Variants in ITGA4 observed in about 807,000 individuals in gnomAD.
ITGA4 encodes the protein integrin alpha-4.
Under a neutral mutation model 133.6 loss-of-function variants are expected in ITGA4, and 63 were observed. The observed-to-expected ratio is 0.47, with a 90% CI of 0.38 to 0.58. The LOEUF (loss-of-function observed/expected upper bound fraction) is 0.58, where lower values mean the gene tolerates loss of function less well. ITGA4 is among the 20% of genes least tolerant of loss of function. The probability of loss-of-function intolerance (pLI) is 0.00; values close to 1 mark genes in which losing one functional copy is unlikely to be tolerated. For missense variants in ITGA4, 1,076 were observed against 1,252.7 expected, an observed-to-expected ratio of 0.86 and a Z score of 2.13; for synonymous variants, 483 against 438.0, an observed-to-expected ratio of 1.10 and a Z score of -1.28.
chr2:181,473,304 G>A (rs754936620), intron 2 of ITGA4, among the ~76,000 whole-genome samples: 5 of 152,180 alleles, frequency 3.3e-5, no homozygotes, highest in Admixed American at 6.5e-5. Flanking sequence ...ACCCTATTAC[G>A]AACTGCACAG....
rs2105778819 is a variant in ITGA4 at position 181,536,747 on chromosome 2, T to TTAAAAAATTTCTTTAAATACAATCA, written c.*1222_*1246dup. On this transcript the variant is annotated 3_prime_UTR_variant, in exon 28 of 28. Transcript: ENST00000397033. ...TCTATTTTAAATGACTTTCTGGATT[T>TTAAAAAATTTCTTTAAATACAATCA]TAAAAAATTTCTTTAAATACAATCA... 4.0e-6 allele frequency: 1 copy of TTAAAAAATTTCTTTAAATACAATCA among 248,546 alleles called. No homozygotes were observed. The highest frequency in any genetic ancestry group is 1.0e-4 in the East Asian group (1 of 9,712). The allele number at this position is 248,546 out of a possible 1,614,324, so 15.4% of individuals were successfully genotyped here. A position where few individuals can be genotyped will look rare whatever the true frequency, so the allele number is the denominator to read the frequency against.
intron 2 of ITGA4, among the ~76,000 whole-genome samples, chr2:181,465,644 TC>T (rs1685394072): frequency 6.6e-6 from 1 of 152,190 alleles, no homozygotes; most frequent in Non-Finnish European, 1.5e-5. Flanking sequence ...GAATTTTCTT[TC>T]CTTATTTTCT....
chr2:181,492,288 T>C (rs550421270), intron 10 of ITGA4, among the ~76,000 whole-genome samples: 36 of 152,370 alleles, frequency 2.4e-4, no homozygotes, highest in African/African-American at 8.2e-4. Context: ...CATTTCTTTT[T>C]AACTGAAAAT....
At chr2:181,510,764 A>G (rs1686490879) in intron 16 of ITGA4, among the ~76,000 whole-genome samples, 1 of 152,042 alleles carries the variant, frequency 6.6e-6, no homozygotes. Context: ...TCTTCTTTTG[A>G]ACTTCAGTTG....
rs539464631 is a variant in ITGA4 at position 181,538,247 on chromosome 2, G to A, written c.*2720G>A. The A allele has an allele frequency of 2.6e-6, 4 of 1,560,674 alleles. No homozygotes were observed. Among genetic ancestry groups the A allele is most frequent in the East Asian group, 2.2e-5 (1 of 44,576 alleles). ...GACTGATAAGTCTTGGATGCAATCT[G>A]TAAAGAAAATACATTATTTCATCAA... On this transcript the variant is annotated 3_prime_UTR_variant, in exon 28 of 28. Coordinates refer to ENST00000397033, the MANE Select transcript of ITGA4 (RefSeq NM_000885.6).
intron 15 of ITGA4, among the ~76,000 whole-genome samples, chr2:181,500,454 A>G (rs1686244178): frequency 6.6e-6 from 1 of 152,158 alleles, no homozygotes; most frequent in South Asian, 2.1e-4. Flanking sequence ...AAGTTTCTAC[A>G]GTCTGAAAGC....
Position 181,468,333 on chromosome 2 carries a change from TC to T in ITGA4, c.320-6625del, listed in dbSNP as rs1190957930. Among the ~76,000 whole-genome samples the T allele has an allele frequency of 5.9e-5, 9 of 152,308 alleles. No individual in the cohort carries two copies. In the East Asian group the frequency reaches 1.7e-3, roughly 29 times the overall value. On this transcript the variant is annotated intron_variant, in intron 2 of 27. Transcript: ENST00000397033. The stretch of plus-strand genomic sequence containing the variant: ...AATCATAGTAAAGAGAAAAGACCTC[TC>T]CAAAGCTTAGATCTCTGAGAGTTTG...
In ITGA4 at chr2:181,516,651, T is replaced by G. The variant is rs4666786; in HGVS notation, c.1922+4876T>G. ...TGGAGTCGTCATGATCACAGTAAAT[T>G]GATCCTGAATCAATTATTTTGTTAT... On this transcript the variant is annotated intron_variant, in intron 17 of 27. Transcript: ENST00000397033. The surrounding 1 kb of genome is among the most constrained non-coding windows in gnomAD (Gnocchi z 4.0). 0.98 allele frequency among the ~76,000 whole-genome samples: 148,747 copies of G among 152,116 alleles called. 72,827 individuals carry two copies. The highest frequency in any genetic ancestry group is 1 in the Middle Eastern group (294 of 294).
chr2:181,504,358 A>G (rs962997277), intron 15 of ITGA4, among the ~76,000 whole-genome samples: 1 of 151,986 alleles, frequency 6.6e-6, no homozygotes, highest in East Asian at 1.9e-4. Context: ...GACTTCTAAA[A>G]CTCATCTTTT....
chr2:181,480,592 T>C (rs1225946548), intron 6 of ITGA4, among the ~76,000 whole-genome samples: 2 of 152,126 alleles, frequency 1.3e-5, no homozygotes, highest in Non-Finnish European at 2.9e-5. Context: ...GTTGTTTCTG[T>C]TGAGTGCCTC....
At chr2:181,489,173 AT>A (rs1374744524) in intron 10 of ITGA4, among the ~76,000 whole-genome samples, 1 of 152,210 alleles carries the variant, frequency 6.6e-6, no homozygotes, top group African/African-American at 2.4e-5. Flanking sequence ...TTGGATGCAA[AT>A]CACACTTAAT....
Position 181,535,403 on chromosome 2 carries a change from C to T in ITGA4, c.3004-29C>T, listed in dbSNP as rs146559560. The T allele has an allele frequency of 7.1e-5, 109 of 1,531,258 alleles. No homozygotes were observed. In the Admixed American group the frequency reaches 1.9e-3, roughly 26 times the overall value. The allele number at this position is 1,531,258 out of a possible 1,614,324, so 94.9% of individuals were successfully genotyped here. A position where few individuals can be genotyped will look rare whatever the true frequency, so the allele number is the denominator to read the frequency against. ...AGATAAGAGAGTGTTCATAACTATA[C>T]ACTAGTGATTATGTTATGCTATTTT... is the stretch of plus-strand genomic sequence containing the variant. On this transcript the variant is annotated intron_variant, in intron 27 of 27. Coordinates refer to ENST00000397033, the MANE Select transcript of ITGA4 (RefSeq NM_000885.6).
intron 19 of ITGA4, 62 bp from the exon 20 acceptor site, chr2:181,524,109 C>A: frequency 9.2e-7 from 1 of 1,089,822 alleles, no homozygotes; most frequent in South Asian, 1.4e-5. Context: ...GAAAAAAATT[C>A]AGATTATAAA....
chr2:181,537,878 G>GAGCAATGGAGCATTACT lies in ITGA4; in HGVS notation c.*2352_*2368dup, dbSNP rs1450540469. The GAGCAATGGAGCATTACT allele has an allele frequency of 1.9e-6, 1 of 539,186 alleles. No homozygotes were observed. The highest frequency in any genetic ancestry group is 3.5e-6 in the Non-Finnish European group (1 of 282,158). The allele number at this position is 539,186 out of a possible 1,614,324, so 33.4% of individuals were successfully genotyped here. On this transcript the variant is annotated 3_prime_UTR_variant, in exon 28 of 28. Coordinates refer to ENST00000397033, the MANE Select transcript of ITGA4 (RefSeq NM_000885.6). ...CGTTTGGCCACACAGCAGGAGGTTA[G>GAGCAATGGAGCATTACT]AGCAATGGAGCATTACTGAGTTCCT... is the stretch of plus-strand genomic sequence containing the variant.
Position 181,495,427 on chromosome 2 carries a change from T to TA in ITGA4, c.1385+12dup. Reference sequence around the variant, plus strand: ...TGCTGTCTTGCTAAGGTAAGACTGATATATTTCACTGCTTAATTGCAATTT... The same window carrying TA: ...TGCTGTCTTGCTAAGGTAAGACTGATAATATTTCACTGCTTAATTGCAATTT... On this transcript the variant is annotated intron_variant, in intron 13 of 27. Transcript: ENST00000397033. This position sits in a 1 kb window ranked among gnomAD's most constrained non-coding sequence, Gnocchi z 4.3. 1 of 1,590,458 alleles carries TA rather than the reference T, an allele frequency of 6.3e-7. No individual in the cohort carries two copies. Among genetic ancestry groups the TA allele is most frequent in the Non-Finnish European group, 8.6e-7 (1 of 1,158,764 alleles).
In ITGA4 at chr2:181,532,160, G is replaced by T. The variant is rs190953289; in HGVS notation, c.2784+384G>T. Among the ~76,000 whole-genome samples, 8 of 152,286 alleles carry T rather than the reference G, an allele frequency of 5.3e-5. No individual in the cohort carries two copies. The East Asian group carries it at 1.5e-3, about 29-fold the overall frequency. ...TTGGCCTCTGTATCTGTTTTGGTTA[G>T]CCTTGTAGTACAGTTTGAAGTCGGG... On this transcript the variant is annotated intron_variant, in intron 25 of 27. Transcript: ENST00000397033.
At chr2:181,518,521 G>T (rs992279911) in intron 17 of ITGA4, among the ~76,000 whole-genome samples, 2 of 152,030 alleles carry the variant, frequency 1.3e-5, no homozygotes, top group Non-Finnish European at 2.9e-5. Context: ...ATGGTAATAT[G>T]TTATATGTTT....
intron 15 of ITGA4, among the ~76,000 whole-genome samples, chr2:181,508,066 T>A (rs17304246): frequency 0.25 from 38,049 of 151,934 alleles, 5,249 homozygotes; most frequent in Non-Finnish European, 0.31. Context: ...AAGAAAATCA[T>A]TTGTAAGTTG....
chr2:181,522,669 C>G (rs1559055359), intron 18 of ITGA4, among the ~76,000 whole-genome samples: 1 of 152,158 alleles, frequency 6.6e-6, no homozygotes, highest in African/African-American at 2.4e-5. Flanking sequence ...CATTGATCCT[C>G]CATCCTGGAC....
Sources: gnomAD v4.1 joint callset for allele counts (sites outside exome capture counted in the v4.1 genomes callset) on GRCh38, gnomAD v4.1.1 for gene constraint, Gnocchi (gnomAD v3.1) non-coding constraint, MANE v1.5 for transcripts, NCBI Gene and HGNC (gene_info 2026-07-23, HGNC 2026-07-21) for gene names.